A1CF: variants seen among roughly 807,000 people sequenced by gnomAD.
The protein encoded by A1CF is APOBEC-1 stimulating protein.
A1CF carries 48 observed loss-of-function variants against 68.9 expected under a neutral mutation model. That is an observed-to-expected ratio of 0.70 (90% CI 0.55 to 0.89). A1CF has a LOEUF of 0.89. A1CF is among the 40% of genes least tolerant of loss of function. The pLI, the probability that A1CF is intolerant of heterozygous loss-of-function variation, is 0.00. For missense variants in A1CF, 653 were observed against 718.9 expected (o/e 0.91, Z 1.05); for synonymous variants, 272 against 260.4 (o/e 1.04, Z -0.43).
At position 50,801,653 on chromosome 10, in the gene A1CF, C is replaced by T. The variant is rs192436023; in HGVS notation, c.*5076G>A. 29 of 152,192 alleles carry T rather than the reference C, an allele frequency of 1.9e-4. No homozygotes were observed. Among genetic ancestry groups the T allele is most frequent in the African/African-American group, 7.0e-4 (29 of 41,522 alleles). 9.4% of individuals were successfully genotyped at this position (152,192 alleles called of 1,614,324 possible). On this transcript the variant is annotated 3_prime_UTR_variant, in exon 13 of 13. Transcript: ENST00000373997. The stretch of plus-strand genomic sequence containing the variant: ...TACTGTTTCTTGGTATCTCCTATTC[C>T]CTTAGACAAAGTATCATTTGTGGAA...
At chr10:50,861,525 C>T (rs950622530) in intron 2 of A1CF, among the ~76,000 whole-genome samples, 3 of 148,128 alleles carry the variant, frequency 2.0e-5, no homozygotes, top group Non-Finnish European at 4.5e-5. Context: ...CTATTAGTAA[C>T]AATAACAATA....
chr10:50,846,878 G>A (rs1350772352), intron 3 of A1CF, among the ~76,000 whole-genome samples: 1 of 152,140 alleles, frequency 6.6e-6, no homozygotes, highest in Non-Finnish European at 1.5e-5. Flanking sequence ...ATGCCCTGTA[G>A]TTCACTCAGT....
At chr10:50,883,520 G>C (rs1211525676) in intron 1 of A1CF, among the ~76,000 whole-genome samples, 1 of 152,166 alleles carries the variant, frequency 6.6e-6, no homozygotes, top group East Asian at 1.9e-4. Context: ...TGGAAGACTA[G>C]ACTCTAAAGT....
intron 3 of A1CF, among the ~76,000 whole-genome samples, chr10:50,852,060 G>T (rs139903656): frequency 2.0e-5 from 3 of 152,288 alleles, no homozygotes; most frequent in African/African-American, 4.8e-5. Context: ...GAATTTGTCA[G>T]CGTGCGCAGT....
intron 3 of A1CF, among the ~76,000 whole-genome samples, chr10:50,847,205 T>C (rs562541024): frequency 6.6e-6 from 1 of 152,354 alleles, no homozygotes; most frequent in South Asian, 2.1e-4. Flanking sequence ...TTGTTTTTCA[T>C]GAGAGAATGT....
At chr10:50,871,261 T>C (rs1227289532) in intron 1 of A1CF, among the ~76,000 whole-genome samples, 1 of 151,720 alleles carries the variant, frequency 6.6e-6, no homozygotes, top group Non-Finnish European at 1.5e-5. Flanking sequence ...TTAATAGAAA[T>C]AACAAGTGAA....
chr10:50,876,385 A>G (rs1276404483), intron 1 of A1CF, among the ~76,000 whole-genome samples: 3 of 152,342 alleles, frequency 2.0e-5, no homozygotes, highest in East Asian at 3.9e-4. Context: ...AGAAACAGGA[A>G]TACTCATAAG....
rs1840229341 is a variant in A1CF, at chr10:50,851,270, G to A, written c.100-7148C>T. 2.0e-5 allele frequency among the ~76,000 whole-genome samples: 3 copies of A among 152,172 alleles called. No individual in the cohort carries two copies. In the South Asian group the frequency reaches 6.2e-4, roughly 32 times the overall value. On this transcript the variant is annotated intron_variant, in intron 3 of 12. Coordinates refer to ENST00000373997, the MANE Select transcript of A1CF (RefSeq NM_014576.4). ...AGGTGATTGCAGTAGTCCTGTAGGG[G>A]TGTGAGGGTGCTTGTAAAAGGAAGG... is the stretch of plus-strand genomic sequence containing the variant.
chr10:50,814,013 G>T lies in A1CF; in HGVS notation c.1167C>A (p.Gly389=), dbSNP rs377560793. Residue 389 remains glycine (G), a synonymous_variant, in exon 10 of 13, where the codon GGC becomes GGA. Coordinates refer to ENST00000373997, the MANE Select transcript of A1CF (RefSeq NM_014576.4). The stretch of plus-strand genomic sequence containing the variant: ...CTGTGTATGCCAAATAGCCACGGCC[G>T]CCCAGTCCTCTCACTCCCGCAGCCC... The part of the protein sequence containing the change: ...VRGAAGVRGL[G]GRGYLAYTGL... 6.2e-7 allele frequency: 1 copy of T among 1,613,582 alleles called. No individual in the cohort carries two copies. The highest frequency in any genetic ancestry group is 1.1e-5 in the South Asian group (1 of 91,064).
chr10:50,832,140 AT>A (rs1839275699), intron 6 of A1CF, among the ~76,000 whole-genome samples: 1 of 152,220 alleles, frequency 6.6e-6, no homozygotes, highest in South Asian at 2.1e-4. Flanking sequence ...ATTATTCACA[AT>A]TACCATGGTA....
At chr10:50,829,705 C>CT (rs1839148653) in intron 6 of A1CF, among the ~76,000 whole-genome samples, 1 of 152,046 alleles carries the variant, frequency 6.6e-6, no homozygotes. Flanking sequence ...TTTACATAGA[C>CT]TTTTTTTGTT....
At chr10:50,851,894 A>C (rs985472582) in intron 3 of A1CF, among the ~76,000 whole-genome samples, 1 of 152,242 alleles carries the variant, frequency 6.6e-6, no homozygotes, top group Non-Finnish European at 1.5e-5. Context: ...GATTGCAAGG[A>C]ACTGTGATCT....
chr10:50,870,456 G>A (rs886879310), intron 1 of A1CF, among the ~76,000 whole-genome samples: 1 of 151,736 alleles, frequency 6.6e-6, no homozygotes, highest in Non-Finnish European at 1.5e-5. Flanking sequence ...TTCAAAACAA[G>A]AGAAAAATTG....
chr10:50,810,183 G>T, intron 11 of A1CF, 141 bp from the exon 12 acceptor site: 2 of 960,010 alleles, frequency 2.1e-6, no homozygotes, highest in African/African-American at 1.6e-5. Context: ...TGCTATTAAA[G>T]CTTCTAAATA....
chr10:50,829,193 C>A (rs1474091456), intron 6 of A1CF, among the ~76,000 whole-genome samples: 2 of 152,066 alleles, frequency 1.3e-5, no homozygotes, highest in Admixed American at 1.3e-4. Flanking sequence ...CAGGCCTGTT[C>A]TACTTAACCA....
chr10:50,844,221 G>C lies in A1CF; in HGVS notation c.100-99C>G. On this transcript the variant is annotated intron_variant, in intron 3 of 12. Transcript: ENST00000373997. ...TCAAAATAATTTCACATTAATGAAT[G>C]TATTTATCATTGACAAGTAATAATA... is the stretch of plus-strand genomic sequence containing the variant. 4.0e-6 allele frequency: 6 copies of C among 1,506,290 alleles called. No individual in the cohort carries two copies. In the South Asian group the frequency reaches 6.1e-5, roughly 15 times the overall value. The allele number at this position is 1,506,290 out of a possible 1,614,324, so 93.3% of individuals were successfully genotyped here. A position where few individuals can be genotyped will look rare whatever the true frequency, so the allele number is the denominator to read the frequency against.
intron 8 of A1CF, among the ~76,000 whole-genome samples, chr10:50,817,888 C>T (rs1382376975): frequency 2.0e-5 from 3 of 152,154 alleles, no homozygotes; most frequent in Non-Finnish European, 4.4e-5. Flanking sequence ...ATCTGTATAG[C>T]CCAAGCTTAG....
intron 7 of A1CF, among the ~76,000 whole-genome samples, chr10:50,826,872 T>C (rs1361934728): frequency 1.3e-5 from 2 of 152,156 alleles, no homozygotes; most frequent in Non-Finnish European, 2.9e-5. Flanking sequence ...ATCAGTGCGC[T>C]GTATTCAGGA....
At chr10:50,828,346 A>T (rs950168407) in intron 6 of A1CF, 51 bp from the exon 7 acceptor site, 3 of 1,389,428 alleles carry the variant, frequency 2.2e-6, no homozygotes, top group African/African-American at 2.9e-5. Flanking sequence ...TCAGGACAAC[A>T]TCATCTCAAT....
Sources: allele counts gnomAD v4.1 joint callset (sites outside exome capture counted in the v4.1 genomes callset), GRCh38; gene constraint gnomAD v4.1.1; transcripts MANE v1.5; gene names NCBI Gene and HGNC (gene_info 2026-07-23, HGNC 2026-07-21).